Variants in LASP1 observed in about 807,000 individuals in gnomAD.
LASP1 encodes the protein LIM and SH3 domain protein 1.
LASP1 carries 10 observed loss-of-function variants against 38.6 expected under a neutral mutation model. The ratio of observed to expected loss-of-function variants is 0.26; its 90% confidence interval spans 0.16 to 0.44. The LOEUF is 0.44. Among genes scored for constraint, LASP1 ranks in the 20% least tolerant of loss-of-function variants. The probability of loss-of-function intolerance (pLI) is 1.00; values close to 1 mark genes in which losing one functional copy is unlikely to be tolerated. For synonymous variants in LASP1, 132 were observed against 140.8 expected (o/e 0.94, Z 0.44); for missense variants, 243 against 375.7 (o/e 0.65, Z 2.92).
At chr17:38,881,646 T>G (rs549730497) in intron 2 of LASP1, among the ~76,000 whole-genome samples, 145 of 152,336 alleles carry the variant, frequency 9.5e-4, no homozygotes, top group African/African-American at 3.5e-3. Context: ...CCTGGCTTCC[T>G]TCTCTGAAGC....
intron 2 of LASP1, among the ~76,000 whole-genome samples, chr17:38,888,115 G>C (rs139422033): frequency 6.6e-6 from 1 of 152,192 alleles, no homozygotes; most frequent in Admixed American, 6.5e-5. Flanking sequence ...GAAGTAATTG[G>C]GGCCCATGCA....
intron 3 of LASP1, chr17:38,897,082 G>A: frequency 2.0e-6 from 2 of 985,638 alleles, no homozygotes; most frequent in South Asian, 9.4e-5. Flanking sequence ...GCAGGTTCTG[G>A]ACTCTTGGGG....
At chr17:38,876,715 A>G (rs974482886) in intron 1 of LASP1, among the ~76,000 whole-genome samples, 5 of 146,790 alleles carry the variant, frequency 3.4e-5, no homozygotes, top group Non-Finnish European at 7.4e-5. Flanking sequence ...GCCACCCTGG[A>G]TGGGCCCTGT....
intron 4 of LASP1, among the ~76,000 whole-genome samples, chr17:38,901,036 G>A (rs965209540): frequency 3.3e-5 from 5 of 152,196 alleles, no homozygotes; most frequent in South Asian, 2.1e-4. Context: ...CTGGAATGTC[G>A]GCTCTTCAGC....
chr17:38,900,197 C>CAAAA (rs56008544), intron 4 of LASP1, among the ~76,000 whole-genome samples: 164 of 66,422 alleles, frequency 2.5e-3, no homozygotes, highest in Middle Eastern at 0.013. Flanking sequence ...ACTGTTTCTA[C>CAAAA]AAAAAAAAAA....
chr17:38,911,444 C>CT (rs3837800), intron 4 of LASP1, among the ~76,000 whole-genome samples: 105,564 of 152,082 alleles, frequency 0.69, 37,541 homozygotes, highest in African/African-American at 0.86. Flanking sequence ...ATGACATTGA[C>CT]TACCTCAGAG....
chr17:38,903,740 A>C (rs1468764184), intron 4 of LASP1: 1 of 152,152 alleles, frequency 6.6e-6, no homozygotes, highest in Non-Finnish European at 1.5e-5. Flanking sequence ...TGCTTTCTAC[A>C]CTGTTGCCGG....
chr17:38,880,329 C>T (rs1403946356), intron 2 of LASP1, among the ~76,000 whole-genome samples: 1 of 152,212 alleles, frequency 6.6e-6, no homozygotes, highest in Non-Finnish European at 1.5e-5. Context: ...AAAGTTCCAG[C>T]TTACTGTTTT....
chr17:38,899,885 A>G (rs1475197599), intron 4 of LASP1, among the ~76,000 whole-genome samples: 1 of 151,024 alleles, frequency 6.6e-6, no homozygotes, highest in Non-Finnish European at 1.5e-5. Flanking sequence ...GCACACCACC[A>G]CCCCCGGCCA....
chr17:38,883,452 TC>T (rs1228879928), intron 2 of LASP1, among the ~76,000 whole-genome samples: 2 of 152,142 alleles, frequency 1.3e-5, no homozygotes, highest in African/African-American at 4.8e-5. Context: ...CCCAGGGCTT[TC>T]CCTCCTTCCC....
At chr17:38,892,551 G>GAGACACAC (rs917903149) in intron 3 of LASP1, among the ~76,000 whole-genome samples, 2 of 143,746 alleles carry the variant, frequency 1.4e-5, no homozygotes, top group African/African-American at 5.1e-5. Flanking sequence ...GGTCTTTGGA[G>GAGACACAC]ACACACACAC....
In LASP1 at chr17:38,872,697, C is replaced by T. The variant is rs150738696; in HGVS notation, c.69+2439C>T. Among the ~76,000 whole-genome samples the T allele has an allele frequency of 4.7e-3, 722 of 152,244 alleles. 4 individuals carry two copies. The highest frequency in any genetic ancestry group is 0.016 in the African/African-American group (671 of 41,538). On this transcript the variant is annotated intron_variant, in intron 1 of 6. Transcript: ENST00000318008. Reference sequence around the variant, plus strand: ...CCAACTTCCCAAGGCCTCCCATTTACAGCAAAAGAGTCAAATTAGACTCAC... The same window carrying T: ...CCAACTTCCCAAGGCCTCCCATTTATAGCAAAAGAGTCAAATTAGACTCAC...
intron 4 of LASP1, among the ~76,000 whole-genome samples, chr17:38,912,961 T>TC (rs1467283422): frequency 6.6e-6 from 1 of 152,056 alleles, no homozygotes; most frequent in African/African-American, 2.4e-5. Flanking sequence ...GGGCTCTGGT[T>TC]CCCCCAAACT....
chr17:38,881,272 T>G (rs905370103), intron 2 of LASP1, among the ~76,000 whole-genome samples: 1 of 152,048 alleles, frequency 6.6e-6, no homozygotes, highest in Non-Finnish European at 1.5e-5. Flanking sequence ...TTGCTTTGGT[T>G]TTTTGGAGAC....
At chr17:38,888,881 G>T (rs1467731546) in intron 2 of LASP1, among the ~76,000 whole-genome samples, 1 of 30,532 alleles carries the variant, frequency 3.3e-5, no homozygotes, top group East Asian at 1.6e-3. Context: ...CCCTCTTCCT[G>T]GGGACCAGGC....
At chr17:38,896,066 C>G (rs1375911438) in intron 3 of LASP1, among the ~76,000 whole-genome samples, 1 of 152,222 alleles carries the variant, frequency 6.6e-6, no homozygotes, top group African/African-American at 2.4e-5. Context: ...CCACAGCACC[C>G]TGGTGAGCCA....
intron 4 of LASP1, among the ~76,000 whole-genome samples, chr17:38,913,702 A>C (rs1258055791): frequency 6.6e-6 from 1 of 152,168 alleles, no homozygotes; most frequent in Non-Finnish European, 1.5e-5. Context: ...TGCCGCAGGC[A>C]TATAAAAGTG....
At chr17:38,913,145 A>G (rs1734109613) in intron 4 of LASP1, among the ~76,000 whole-genome samples, 1 of 152,068 alleles carries the variant, frequency 6.6e-6, no homozygotes, top group African/African-American at 2.4e-5. Context: ...GGCCCAACTC[A>G]AGACTCCTGG....
At position 38,899,006 on chromosome 17, in the gene LASP1, C is replaced by T. The variant is rs1033110883; in HGVS notation, c.357+487C>T. 175 of 350,136 alleles carry T rather than the reference C, an allele frequency of 5.0e-4. 1 individual carries two copies. Among genetic ancestry groups the T allele is most frequent in the Admixed American group, 2.3e-4 (6 of 26,406 alleles). The allele number at this position is 350,136 out of a possible 1,614,324, so 21.7% of individuals were successfully genotyped here. A position where few individuals can be genotyped will look rare whatever the true frequency, so the allele number is the denominator to read the frequency against. ...ACCCCAGCCAGCTTCACCCGCCAGC[C>T]CTGCACCCCCTGGCTCACACCCCCC... On this transcript the variant is annotated intron_variant, in intron 4 of 6. Coordinates refer to ENST00000318008, the MANE Select transcript of LASP1 (RefSeq NM_006148.4).
Sources: allele counts gnomAD v4.1 joint callset (sites outside exome capture counted in the v4.1 genomes callset), GRCh38; gene constraint gnomAD v4.1.1; transcripts MANE v1.5; gene names NCBI Gene and HGNC (gene_info 2026-07-23, HGNC 2026-07-21).